The following HS3ST4 variants were observed in gnomAD, a reference collection of about 807,000 sequenced individuals.
HS3ST4 encodes heparan sulfate-glucosamine 3-sulfotransferase 4, also known as heparan sulfate glucosamine 3-O-sulfotransferase 4.
HS3ST4 carries 17 observed loss-of-function variants against 29.2 expected under a neutral mutation model. The ratio of observed to expected loss-of-function variants is 0.58; its 90% CI spans 0.40 to 0.87. The LOEUF (loss-of-function observed/expected upper bound fraction) is 0.87. Among genes scored for constraint, HS3ST4 ranks in the 40% least tolerant of loss-of-function variants. The pLI is 0.00. For synonymous variants in HS3ST4, 314 were observed against 285.7 expected (o/e 1.10, Z -1.00); for missense variants, 627 against 634.5 (o/e 0.99, Z 0.13).
intron 1 of HS3ST4, among the ~76,000 whole-genome samples, chr16:26,080,457 A>C (rs1898712136): frequency 6.6e-6 from 1 of 152,182 alleles, no homozygotes; most frequent in Admixed American, 6.5e-5. Context: ...AGCCCCTGAA[A>C]GAATGGTGTG....
intron 1 of HS3ST4, among the ~76,000 whole-genome samples, chr16:25,703,799 C>G (rs12930938): frequency 0.27 from 40,860 of 152,090 alleles, 5,790 homozygotes; most frequent in South Asian, 0.44. Flanking sequence ...CCCTAGATCC[C>G]TAAACTACTG....
intron 1 of HS3ST4, among the ~76,000 whole-genome samples, chr16:26,016,051 A>G (rs966744745): frequency 6.6e-6 from 1 of 152,188 alleles, no homozygotes; most frequent in Non-Finnish European, 1.5e-5. Flanking sequence ...TAGCTGCCCC[A>G]AAGTATCTGT....
At position 25,885,099 on chromosome 16, in the gene HS3ST4, C is replaced by T. The variant is rs150383907; in HGVS notation, c.734+191948C>T. Among the ~76,000 whole-genome samples, 5 of 152,274 alleles carry T rather than the reference C, an allele frequency of 3.3e-5. No homozygotes were observed. The East Asian group carries it at 5.8e-4, about 18-fold the overall frequency. The stretch of plus-strand genomic sequence containing the variant: ...GCTTAACCACTCACTGCTTTTCAAC[C>T]TTGATGTCCAAAGCTGCTTAGGAAG... On this transcript the variant is annotated intron_variant, in intron 1 of 1. Coordinates refer to ENST00000331351, the MANE Select transcript of HS3ST4 (RefSeq NM_006040.3).
At chr16:25,736,113 A>G (rs1966607598) in intron 1 of HS3ST4, among the ~76,000 whole-genome samples, 1 of 152,206 alleles carries the variant, frequency 6.6e-6, no homozygotes, top group Non-Finnish European at 1.5e-5. Flanking sequence ...TCATCTCCTC[A>G]TACCACAGAT....
chr16:26,126,299 A>G (rs751576368), intron 1 of HS3ST4, among the ~76,000 whole-genome samples: 2 of 152,156 alleles, frequency 1.3e-5, no homozygotes, highest in African/African-American at 4.8e-5. Flanking sequence ...GTGTTAAGCA[A>G]TCTCAGATAT....
At chr16:26,020,264 G>A (rs1969399917) in intron 1 of HS3ST4, among the ~76,000 whole-genome samples, 2 of 152,182 alleles carry the variant, frequency 1.3e-5, no homozygotes, top group Non-Finnish European at 2.9e-5. Flanking sequence ...TGGCCTCAGT[G>A]GAAGGTAAAT....
intron 1 of HS3ST4, among the ~76,000 whole-genome samples, chr16:25,938,757 C>T (rs1402982978): frequency 6.6e-6 from 1 of 152,190 alleles, no homozygotes; most frequent in Non-Finnish European, 1.5e-5. Flanking sequence ...ACTGCAGGCT[C>T]AGCTTAAATA....
At position 25,948,723 on chromosome 16, in the gene HS3ST4, C is replaced by T. The variant is rs938822863; in HGVS notation, c.735-186889C>T. On this transcript the variant is annotated intron_variant, in intron 1 of 1. Coordinates refer to ENST00000331351, the MANE Select transcript of HS3ST4 (RefSeq NM_006040.3). ...CTATCACCTAGTTTCTTTTCTTATG[C>T]CTAATGCTGATGGCTGCTGCAGTAG... Among the ~76,000 whole-genome samples, 6 of 152,226 alleles carry T rather than the reference C, an allele frequency of 3.9e-5. No homozygotes were observed. The Middle Eastern group carries it at 0.01, about 259-fold the overall frequency.
chr16:25,841,188 G>A (rs1328882273), intron 1 of HS3ST4, among the ~76,000 whole-genome samples: 2 of 151,946 alleles, frequency 1.3e-5, no homozygotes, highest in African/African-American at 4.8e-5. Flanking sequence ...TGTATTTTTA[G>A]TAGAGACGGG....
At chr16:25,825,953 T>A (rs1967210329) in intron 1 of HS3ST4, 1 of 152,156 alleles carries the variant, frequency 6.6e-6, no homozygotes, top group African/African-American at 2.4e-5. Context: ...GTCTCTAGGG[T>A]CTTAGAATCT....
chr16:25,983,617 C>G (rs1326603499), intron 1 of HS3ST4, among the ~76,000 whole-genome samples: 1 of 152,116 alleles, frequency 6.6e-6, no homozygotes, highest in African/African-American at 2.4e-5. Context: ...TGCTTGAGTC[C>G]CTGGAGGCCA....
intron 1 of HS3ST4, among the ~76,000 whole-genome samples, chr16:25,955,312 G>A (rs994353645): frequency 6.6e-6 from 1 of 152,158 alleles, no homozygotes; most frequent in African/African-American, 2.4e-5. Flanking sequence ...AGACAAGACA[G>A]CCTCTGCATA....
At chr16:25,931,929 A>C (rs1342991912) in intron 1 of HS3ST4, among the ~76,000 whole-genome samples, 1 of 152,108 alleles carries the variant, frequency 6.6e-6, no homozygotes, top group Admixed American at 6.5e-5. Context: ...CTTGTGGGGG[A>C]AACAATTCTA....
chr16:25,972,968 C>A (rs1427588016), intron 1 of HS3ST4, among the ~76,000 whole-genome samples: 1 of 152,166 alleles, frequency 6.6e-6, no homozygotes, highest in Non-Finnish European at 1.5e-5. Flanking sequence ...TATTGAGTTT[C>A]CTACTGGATC....
chr16:25,784,880 G>C (rs1330577346), intron 1 of HS3ST4, among the ~76,000 whole-genome samples: 1 of 152,210 alleles, frequency 6.6e-6, no homozygotes, highest in Non-Finnish European at 1.5e-5. Flanking sequence ...ATGCCATCTA[G>C]AACTTTCAGG....
chr16:25,922,292 T>G (rs1303280470), intron 1 of HS3ST4, among the ~76,000 whole-genome samples: 1 of 152,190 alleles, frequency 6.6e-6, no homozygotes, highest in East Asian at 1.9e-4. Context: ...GGGTAGAGCC[T>G]TTATGAATGG....
intron 1 of HS3ST4, among the ~76,000 whole-genome samples, chr16:25,759,966 G>T (rs1966779582): frequency 6.6e-6 from 1 of 152,084 alleles, no homozygotes; most frequent in South Asian, 2.1e-4. Flanking sequence ...AAAACCCTGT[G>T]AAATAGGAAG....
At chr16:25,819,089 G>A (rs1020853307) in intron 1 of HS3ST4, among the ~76,000 whole-genome samples, 1 of 152,120 alleles carries the variant, frequency 6.6e-6, no homozygotes, top group African/African-American at 2.4e-5. Flanking sequence ...CCAATTCCTA[G>A]CTCTTTGCTG....
chr16:25,868,182 G>A (rs1488970727), intron 1 of HS3ST4, among the ~76,000 whole-genome samples: 1 of 152,124 alleles, frequency 6.6e-6, no homozygotes, highest in Non-Finnish European at 1.5e-5. Context: ...CCTGAAGGAA[G>A]TGAGGTGCTG....
Sources: gnomAD v4.1 joint callset for allele counts (sites outside exome capture counted in the v4.1 genomes callset) on GRCh38, gnomAD v4.1.1 for gene constraint, MANE v1.5 for transcripts, NCBI Gene and HGNC (gene_info 2026-07-23, HGNC 2026-07-21) for gene names.